The following RNASET2 variants were observed in gnomAD, a reference collection of about 807,000 sequenced individuals.
RNASET2 encodes the protein ribonuclease 6.
RNASET2 carries 28 observed loss-of-function variants against 33.9 expected under a neutral mutation model. That is an observed-to-expected ratio of 0.83 (90% CI 0.61 to 1.13). The LOEUF is 1.13. Among genes scored for constraint, RNASET2 ranks in the 50% most tolerant of loss-of-function variants. The pLI, the probability that RNASET2 is intolerant of heterozygous loss-of-function variation, is 0.00. For missense variants in RNASET2, 330 were observed against 319.9 expected, an observed-to-expected ratio of 1.03 and a Z score of -0.24; for synonymous variants, 123 against 121.0, an observed-to-expected ratio of 1.02 and a Z score of -0.11.
Position 166,955,323 on chromosome 6 carries a change from A to G in RNASET2, c.86+774T>C, listed in dbSNP as rs1363204931. ...GCGCACACACGACACACACGCACAC[A>G]CACGCACGCACGCACACGCACACGC... On this transcript the variant is annotated intron_variant, in intron 1 of 8. Coordinates refer to ENST00000508775, the MANE Select transcript of RNASET2 (RefSeq NM_003730.6). 3.5e-3 allele frequency among the ~76,000 whole-genome samples: 247 copies of G among 70,206 alleles called. 5 individuals carry two copies. The highest frequency in any genetic ancestry group is 0.014 in the African/African-American group (195 of 13,878). 46.1% of individuals were successfully genotyped at this position (70,206 alleles called of 152,430 possible).
At chr6:166,934,284 T>C in intron 6 of RNASET2, 148 bp from the exon 7 acceptor site, 3 of 673,244 alleles carry the variant, frequency 4.5e-6, no homozygotes, top group East Asian at 2.7e-5. Context: ...TGTGTCAACA[T>C]GGACTGCAAA....
chr6:166,954,304 G>C (rs984143576), intron 1 of RNASET2, among the ~76,000 whole-genome samples: 1 of 152,220 alleles, frequency 6.6e-6, no homozygotes, highest in Non-Finnish European at 1.5e-5. Flanking sequence ...AAGTTTGTCC[G>C]ATCATATCAG....
At chr6:166,939,050 C>T (rs1778637127) in intron 5 of RNASET2, 42 bp from the exon 6 acceptor site, 1 of 1,439,082 alleles carries the variant, frequency 6.9e-7, no homozygotes. Context: ...AGTAGTGAAA[C>T]AGGCTGCGTG....
At chr6:166,951,965 G>C (rs1262256610) in intron 2 of RNASET2, among the ~76,000 whole-genome samples, 1 of 152,142 alleles carries the variant, frequency 6.6e-6, no homozygotes, top group African/African-American at 2.4e-5. Flanking sequence ...ACCCTACATG[G>C]ACACAGGGTC....
At chr6:166,949,220 AAG>A (rs1484183793) in intron 2 of RNASET2, among the ~76,000 whole-genome samples, 3 of 147,898 alleles carry the variant, frequency 2.0e-5, no homozygotes, top group African/African-American at 7.5e-5. Context: ...AAAAAAAAAA[AAG>A]GCTGGGCACA....
chr6:166,953,879 C>CAAAAAAA (rs548523987), intron 1 of RNASET2, among the ~76,000 whole-genome samples: 2 of 110,734 alleles, frequency 1.8e-5, no homozygotes, highest in African/African-American at 6.5e-5. Flanking sequence ...GACCCTGTCT[C>CAAAAAAA]AAAAAAAAAA....
intron 3 of RNASET2, 181 bp from the exon 4 acceptor site, chr6:166,946,920 A>T (rs1778861407): frequency 1.5e-6 from 1 of 666,408 alleles, no homozygotes; most frequent in African/African-American, 1.8e-5. Context: ...GAGGAGTCAG[A>T]GTTCAAATTT....
chr6:166,950,683 T>C (rs778360396), intron 2 of RNASET2, among the ~76,000 whole-genome samples: 1 of 152,056 alleles, frequency 6.6e-6, no homozygotes, highest in Admixed American at 6.5e-5. Context: ...CTCTGGGTGC[T>C]CCAATGAGAA....
chr6:166,955,493 A>G (rs1779142067), intron 1 of RNASET2: 2 of 986,642 alleles, frequency 2.0e-6, no homozygotes, highest in Non-Finnish European at 1.2e-6. Flanking sequence ...CCGTCGTTTC[A>G]CCACCCGCCG....
At chr6:166,929,897 G>A in intron 8 of RNASET2, 106 bp from the exon 9 acceptor site, 1 of 1,054,684 alleles carries the variant, frequency 9.5e-7, no homozygotes. Context: ...AAAAGCAGAG[G>A]CTCCACACCA....
chr6:166,932,538 T>G (rs760069756), intron 7 of RNASET2: 5 of 152,286 alleles, frequency 3.3e-5, no homozygotes, highest in Non-Finnish European at 5.9e-5. Context: ...CCAGGAAATG[T>G]CTGGGTCGGC....
Position 166,922,262 on chromosome 6 carries a change from C to G in RNASET2, c.*7326G>C, listed in dbSNP as rs990040584. Among the ~76,000 whole-genome samples, 16 of 152,334 alleles carry G rather than the reference C, an allele frequency of 1.1e-4. No individual in the cohort carries two copies. Among genetic ancestry groups the G allele is most frequent in the African/African-American group, 3.6e-4 (15 of 41,568 alleles). On this transcript the variant is annotated 3_prime_UTR_variant, in exon 9 of 9. Transcript: ENST00000508775. ...TATAAATGTGATTATGGATTACTCA[C>G]TGACACACTCAAAAAGCGCGGTGAT...
intron 1 of RNASET2, among the ~76,000 whole-genome samples, chr6:166,953,934 T>C (rs1779046892): frequency 6.6e-6 from 1 of 151,416 alleles, no homozygotes; most frequent in Non-Finnish European, 1.5e-5. Context: ...GGTAAAGCAT[T>C]TTTTACCCTT....
intron 8 of RNASET2, among the ~76,000 whole-genome samples, chr6:166,930,208 C>T (rs566867808): frequency 6.6e-6 from 1 of 152,358 alleles, no homozygotes; most frequent in African/African-American, 2.4e-5. Flanking sequence ...GCTAAAAGAA[C>T]AGGTATATTC....
intron 1 of RNASET2, chr6:166,955,584 C>G: frequency 1.0e-6 from 1 of 992,318 alleles, no homozygotes; most frequent in Non-Finnish European, 1.2e-6. Context: ...CAGTGCTCCA[C>G]CAAGCCTGCC....
intron 1 of RNASET2, chr6:166,955,576 G>A (rs931114613): frequency 3.0e-6 from 3 of 990,390 alleles, no homozygotes; most frequent in Admixed American, 1.2e-4. Context: ...TGCAGGAACA[G>A]TGCTCCACCA....
rs1779122165 is a variant in RNASET2, at chr6:166,955,341, GCACACGCACGCACA to G, written c.86+742_86+755del. On this transcript the variant is annotated intron_variant, in intron 1 of 8. Coordinates refer to ENST00000508775, the MANE Select transcript of RNASET2 (RefSeq NM_003730.6). ...CGCACACACACGCACGCACGCACAC[GCACACGCACGCACA>G]CACACACGCACACACAAACGCACAC... The G allele has an allele frequency of 2.9e-5, 3 of 104,962 alleles. 1 individual carries two copies. In the Admixed American group the frequency reaches 5.4e-4, roughly 19 times the overall value. The allele number at this position is 104,962 out of a possible 1,614,324, so 6.5% of individuals were successfully genotyped here.
At chr6:166,953,124 C>G (rs1016081106) in intron 1 of RNASET2, 1 of 190,868 alleles carries the variant, frequency 5.2e-6, no homozygotes, top group African/African-American at 2.4e-5. Flanking sequence ...GGACTGTTAA[C>G]TTGAACACGG....
rs1030535159 is a variant in RNASET2 at position 166,926,089 on chromosome 6, G to A, written c.*3499C>T. Among the ~76,000 whole-genome samples, 2 of 152,188 alleles carry A rather than the reference G, an allele frequency of 1.3e-5. No individual in the cohort carries two copies. Among genetic ancestry groups the A allele is most frequent in the African/African-American group, 4.8e-5 (2 of 41,438 alleles). ...GGAGACTGAGGCTTGAACTAAGTCA[G>A]TAATGAGAAGGATAAGCTGAATATA... is the stretch of plus-strand genomic sequence containing the variant. On this transcript the variant is annotated 3_prime_UTR_variant, in exon 9 of 9. Coordinates refer to ENST00000508775, the MANE Select transcript of RNASET2 (RefSeq NM_003730.6).
Sources: gnomAD v4.1 joint callset for allele counts (sites outside exome capture counted in the v4.1 genomes callset) on GRCh38, gnomAD v4.1.1 for gene constraint, MANE v1.5 for transcripts, NCBI Gene and HGNC (gene_info 2026-07-23, HGNC 2026-07-21) for gene names.